Variants in SPECC1 observed in about 807,000 individuals in gnomAD.
SPECC1 encodes cytospin-B.
A neutral mutation model predicts 104.1 loss-of-function variants in SPECC1; 62 were observed. The observed-to-expected ratio is 0.60, with a 90% confidence interval of 0.49 to 0.74. SPECC1 has a LOEUF of 0.74. SPECC1 is among the 30% of genes least tolerant of loss of function. SPECC1 has a pLI of 0.00. For missense variants in SPECC1, 1,306 were observed against 1,310.5 expected (o/e 1.00, Z 0.05); for synonymous variants, 513 against 501.6 (o/e 1.02, Z -0.30).
At chr17:20,153,621 A>G (rs1381865265) in intron 3 of SPECC1, among the ~76,000 whole-genome samples, 1 of 152,182 alleles carries the variant, frequency 6.6e-6, no homozygotes, top group Non-Finnish European at 1.5e-5. Context: ...TAAATGTGGG[A>G]GGTGAGAGAG....
At chr17:20,052,583 C>T (rs2045815268) in intron 1 of SPECC1, among the ~76,000 whole-genome samples, 1 of 152,162 alleles carries the variant, frequency 6.6e-6, no homozygotes, top group Non-Finnish European at 1.5e-5. Context: ...AGACCACAGG[C>T]TGGGAGCAGT....
At chr17:20,283,132 C>A (rs907128546) in intron 12 of SPECC1, among the ~76,000 whole-genome samples, 1 of 152,156 alleles carries the variant, frequency 6.6e-6, no homozygotes, top group Non-Finnish European at 1.5e-5. Context: ...TACAGTGAGC[C>A]CTGATCACAC....
chr17:20,024,901 C>T (rs1403741392), intron 1 of SPECC1, among the ~76,000 whole-genome samples: 1 of 152,192 alleles, frequency 6.6e-6, no homozygotes, highest in Non-Finnish European at 1.5e-5. Context: ...AATTAGTTCC[C>T]ATATTAAATT....
intron 1 of SPECC1, among the ~76,000 whole-genome samples, chr17:20,032,759 A>G (rs1018261468): frequency 6.6e-6 from 1 of 151,848 alleles, no homozygotes; most frequent in African/African-American, 2.4e-5. Context: ...TTTCTGTTAA[A>G]TCTGATAACT....
chr17:20,190,484 AT>A (rs1438629001), intron 3 of SPECC1, among the ~76,000 whole-genome samples: 1 of 152,194 alleles, frequency 6.6e-6, no homozygotes, highest in Non-Finnish European at 1.5e-5. Context: ...TTCTAAAAAA[AT>A]AAACACTCTT....
chr17:20,247,390 A>G, intron 9 of SPECC1, 71 bp downstream of exon 9: 4 of 1,095,100 alleles, frequency 3.7e-6, no homozygotes, highest in East Asian at 2.4e-5. Flanking sequence ...TTCTTTACAC[A>G]TATTAGTGTC....
At chr17:20,091,576 A>G (rs907012269) in intron 1 of SPECC1, among the ~76,000 whole-genome samples, 1 of 152,158 alleles carries the variant, frequency 6.6e-6, no homozygotes, top group Non-Finnish European at 1.5e-5. Flanking sequence ...CCACGTGCCC[A>G]TTGGGCTTAG....
At chr17:20,230,388 G>A (rs941976313) in intron 5 of SPECC1, among the ~76,000 whole-genome samples, 6 of 152,212 alleles carry the variant, frequency 3.9e-5, no homozygotes, top group Non-Finnish European at 5.9e-5. Context: ...GAACCTCAGC[G>A]TTCAGTGTCA....
intron 9 of SPECC1, among the ~76,000 whole-genome samples, chr17:20,252,434 C>T (rs1270676027): frequency 6.6e-6 from 1 of 152,048 alleles, no homozygotes; most frequent in Non-Finnish European, 1.5e-5. Flanking sequence ...CTAGCACTCC[C>T]CAGTGTCTCT....
At chr17:20,133,219 C>T (rs369357822) in intron 3 of SPECC1, among the ~76,000 whole-genome samples, 1 of 151,662 alleles carries the variant, frequency 6.6e-6, no homozygotes, top group East Asian at 1.9e-4. Context: ...ACTCGTTTTT[C>T]TCTATTTTTT....
At chr17:20,040,881 A>G (rs565093378) in intron 1 of SPECC1, among the ~76,000 whole-genome samples, 1 of 152,216 alleles carries the variant, frequency 6.6e-6, no homozygotes, top group South Asian at 2.1e-4. Flanking sequence ...GTTTTCAGCT[A>G]TTATTTTTTG....
intron 1 of SPECC1, among the ~76,000 whole-genome samples, chr17:20,021,914 TTTAC>T (rs998475521): frequency 6.7e-6 from 1 of 148,376 alleles, no homozygotes; most frequent in African/African-American, 2.5e-5. Flanking sequence ...TTTTTATTTA[TTTAC>T]TATTTATTAT....
intron 3 of SPECC1, among the ~76,000 whole-genome samples, chr17:20,170,751 A>G (rs758094760): frequency 3.9e-5 from 6 of 152,012 alleles, no homozygotes; most frequent in Non-Finnish European, 7.4e-5. Flanking sequence ...CTCATTTCCA[A>G]CTTCCTGTTC....
chr17:20,035,969 G>T (rs1179107060), intron 1 of SPECC1, among the ~76,000 whole-genome samples: 2 of 151,668 alleles, frequency 1.3e-5, no homozygotes, highest in African/African-American at 4.8e-5. Flanking sequence ...GACTACACAT[G>T]CCTGGCTAAT....
intron 7 of SPECC1, among the ~76,000 whole-genome samples, chr17:20,233,927 C>T (rs1369641163): frequency 1.3e-5 from 2 of 152,198 alleles, no homozygotes; most frequent in Non-Finnish European, 2.9e-5. Context: ...TGGTAAAAGA[C>T]AAGTCCTGAG....
chr17:20,156,280 C>CT, intron 3 of SPECC1: 1 of 1,328,256 alleles, frequency 7.5e-7, no homozygotes, highest in Non-Finnish European at 9.7e-7. Flanking sequence ...GCAACCCCAC[C>CT]CCCCCTCCAG....
At chr17:20,033,479 A>T (rs2044912165) in intron 1 of SPECC1, among the ~76,000 whole-genome samples, 1 of 152,104 alleles carries the variant, frequency 6.6e-6, no homozygotes, top group Admixed American at 6.6e-5. Flanking sequence ...AAAAAGGTTT[A>T]TTGGGCTCAT....
intron 3 of SPECC1, among the ~76,000 whole-genome samples, chr17:20,150,121 C>G (rs1318410051): frequency 4.0e-5 from 6 of 151,392 alleles, no homozygotes; most frequent in African/African-American, 1.5e-4. Context: ...TACAGGCGCC[C>G]GCCACCACGC....
chr17:20,112,364 G>T, intron 3 of SPECC1: 2 of 756,662 alleles, frequency 2.6e-6, no homozygotes, highest in South Asian at 1.4e-5. Context: ...CTCATTGATT[G>T]AACACCTAGA....
Sources: gnomAD v4.1 joint callset for allele counts (sites outside exome capture counted in the v4.1 genomes callset) on GRCh38, gnomAD v4.1.1 for gene constraint, MANE v1.5 for transcripts, NCBI Gene and HGNC (gene_info 2026-07-23, HGNC 2026-07-21) for gene names.